Variants in DPRX observed in about 807,000 individuals in gnomAD.
DPRX encodes the protein divergent paired-related homeobox.
In DPRX, 11 loss-of-function variants were observed where a neutral mutation model predicts 8.4. That is an observed-to-expected ratio of 1.31 (90% confidence interval 0.82 to 2.17). The LOEUF (loss-of-function observed/expected upper bound fraction) is 2.17, where lower values mean the gene tolerates loss of function less well. Among genes scored for constraint, DPRX ranks in the 30% most tolerant of loss-of-function variants. The probability of loss-of-function intolerance (pLI) is 0.00; values close to 1 mark genes in which losing one functional copy is unlikely to be tolerated. For missense variants in DPRX, 211 were observed against 236.7 expected, an observed-to-expected ratio of 0.89 and a Z score of 0.71; for synonymous variants, 72 against 87.0, an observed-to-expected ratio of 0.83 and a Z score of 0.96.
chr19:53,614,097 C>T, the DPRX span, among the ~76,000 whole-genome samples: 1 of 151,882 alleles, frequency 6.6e-6, no homozygotes, highest in Non-Finnish European at 1.5e-5. Flanking sequence ...ACTACAGGTG[C>T]ACACCACCAC....
the DPRX span, among the ~76,000 whole-genome samples, chr19:53,609,301 CTACAAAAAA>C: frequency 6.6e-6 from 1 of 150,488 alleles, no homozygotes; most frequent in Non-Finnish European, 1.5e-5. Flanking sequence ...AACCCCATCT[CTACAAAAAA>C]TACAAAAATT....
At chr19:53,611,693 T>C in the DPRX span, among the ~76,000 whole-genome samples, 1 of 152,182 alleles carries the variant, frequency 6.6e-6, no homozygotes, top group Admixed American at 6.6e-5. Context: ...GTAGGCAAAG[T>C]ACGTTAACCG....
rs879204001 is a variant in DPRX at position 53,634,421 on chromosome 19, A to T, written c.29-110A>T. On this transcript the variant is annotated intron_variant, in intron 1 of 2. Coordinates refer to ENST00000376650, the Ensembl canonical transcript of DPRX. ...ACTCCAGCCTCGGTGACAGAACCTC[A>T]GTCACTTGATCATCACGTTGTACCT... 3 of 1,349,756 alleles carry T rather than the reference A, an allele frequency of 2.2e-6. No homozygotes were observed. In the South Asian group the frequency reaches 4.3e-5, roughly 19 times the overall value. 83.6% of individuals were successfully genotyped at this position (1,349,756 alleles called of 1,614,324 possible).
At chr19:53,625,094 G>A in the DPRX span, among the ~76,000 whole-genome samples, 2 of 132,894 alleles carry the variant, frequency 1.5e-5, no homozygotes, top group African/African-American at 2.8e-5. Flanking sequence ...ACAGGGTCTC[G>A]CTCTGTCGCC....
chr19:53,634,360 G>A (rs553025773), intron 1 of DPRX, among the ~76,000 whole-genome samples, 171 bp from the exon 2 acceptor site: 1 of 152,196 alleles, frequency 6.6e-6, no homozygotes, highest in African/African-American at 2.4e-5. Flanking sequence ...GAACTCAGGA[G>A]GTGGAGGTTG....
At chr19:53,617,330 G>C in the DPRX span, 15 of 567,930 alleles carry the variant, frequency 2.6e-5, no homozygotes, top group Non-Finnish European at 3.9e-5. Context: ...AGGCCGAGGC[G>C]AGCGGATTAT....
the DPRX span, among the ~76,000 whole-genome samples, chr19:53,625,758 C>T: frequency 6.6e-6 from 1 of 152,066 alleles, no homozygotes; most frequent in Non-Finnish European, 1.5e-5. Context: ...CTGCCTCAGC[C>T]TCCCAGGTAG....
chr19:53,633,013 G>A (rs1415743122), intron 1 of DPRX, among the ~76,000 whole-genome samples: 2 of 152,124 alleles, frequency 1.3e-5, no homozygotes, highest in African/African-American at 4.8e-5. Flanking sequence ...ATCTTTTAGA[G>A]CGAGGCATGC....
the DPRX span, chr19:53,603,253 ACAACTCCTCT>A: frequency 4.5e-6 from 2 of 444,538 alleles, no homozygotes; most frequent in South Asian, 3.1e-5. Flanking sequence ...CCACATCTTC[ACAACTCCTCT>A]CAACTACCAA....
At chr19:53,616,849 A>G in the DPRX span, 1 of 1,600,456 alleles carries the variant, frequency 6.2e-7, no homozygotes, top group Non-Finnish European at 8.6e-7. Flanking sequence ...TGAATGTCCC[A>G]ACCTGAAGCT....
At chr19:53,616,920 G>A in the DPRX span, 2 of 1,399,746 alleles carry the variant, frequency 1.4e-6, no homozygotes, top group South Asian at 2.3e-5. Flanking sequence ...TGGTGGTGGT[G>A]TCTTACTTCC....
the DPRX span, among the ~76,000 whole-genome samples, chr19:53,617,677 C>T: frequency 2.0e-5 from 3 of 151,586 alleles, no homozygotes; most frequent in Non-Finnish European, 1.5e-5. Flanking sequence ...GAAGGAAGAG[C>T]AGCAGTAAAA....
chr19:53,608,685 G>C, the DPRX span, among the ~76,000 whole-genome samples: 2 of 152,298 alleles, frequency 1.3e-5, no homozygotes, highest in Admixed American at 1.3e-4. Context: ...AGGCGCAGTG[G>C]CTCACGCCTG....
the DPRX span, among the ~76,000 whole-genome samples, chr19:53,622,179 C>G: frequency 6.6e-6 from 1 of 152,160 alleles, no homozygotes; most frequent in Non-Finnish European, 1.5e-5. Context: ...CTAATCAGAT[C>G]TCATGGTATT....
chr19:53,636,791 C>G (rs745918887), exon 3 of DPRX: 2 of 1,614,112 alleles, frequency 1.2e-6, no homozygotes, highest in East Asian at 4.5e-5. Context: ...TCATCGAGTC[C>G]CCTCATTCCA....
the DPRX span, among the ~76,000 whole-genome samples, chr19:53,620,813 C>G: frequency 6.6e-6 from 1 of 152,160 alleles, no homozygotes; most frequent in Non-Finnish European, 1.5e-5. Flanking sequence ...AGGCTGGTCT[C>G]GAATTCCTGA....
chr19:53,610,382 A>T, the DPRX span, among the ~76,000 whole-genome samples: 2 of 152,098 alleles, frequency 1.3e-5, no homozygotes, highest in Non-Finnish European at 2.9e-5. Context: ...GATATCCTAG[A>T]TGCCGTGACA....
rs201290452 is a variant in DPRX, at chr19:53,636,795, C to A, written c.383C>A (p.Ser128Ter). 145 of 1,614,062 alleles carry A rather than the reference C, an allele frequency of 9.0e-5. No individual in the cohort carries two copies. Among genetic ancestry groups the A allele is most frequent in the Non-Finnish European group, 1.2e-4 (139 of 1,180,050 alleles). Reference sequence around the variant, plus strand: ...GTGTACACGGGTCATCGAGTCCCCTCATTCCAGCTCATCCTGTACCCCAAC... The same window carrying A: ...GTGTACACGGGTCATCGAGTCCCCTAATTCCAGCTCATCCTGTACCCCAAC... The change falls in exon 3 of 3, where the codon TCA (serine) becomes TAA (stop). Residue 128 changes from serine to a stop codon, truncating the protein, a stop_gained. Transcript: ENST00000376650. LOFTEE classifies it low-confidence loss of function (END_TRUNC).
At chr19:53,608,976 G>GAAAA in the DPRX span, among the ~76,000 whole-genome samples, 61 of 80,644 alleles carry the variant, frequency 7.6e-4, no homozygotes, top group East Asian at 1.1e-3. Context: ...AAAAAAAAAG[G>GAAAA]AAAGAAAAGA....
Sources: allele counts gnomAD v4.1 joint callset (sites outside exome capture counted in the v4.1 genomes callset), GRCh38; gene constraint gnomAD v4.1.1; transcripts MANE v1.5; gene names NCBI Gene and HGNC (gene_info 2026-07-23, HGNC 2026-07-21).